Variants in MCM4 observed in about 807,000 individuals in gnomAD.
MCM4 encodes minichromosome maintenance complex component 4.
A neutral mutation model predicts 88.7 loss-of-function variants in MCM4; 60 were observed. The ratio of observed to expected loss-of-function variants is 0.68; its 90% CI spans 0.55 to 0.84. The LOEUF (loss-of-function observed/expected upper bound fraction) is 0.84, where lower values mean the gene tolerates loss of function less well. Among genes scored for constraint, MCM4 ranks in the 40% least tolerant of loss-of-function variants. The pLI is 0.00. For synonymous variants in MCM4, 465 were observed against 410.5 expected, an observed-to-expected ratio of 1.13 and a Z score of -1.61; for missense variants, 1,149 against 1,105.5, an observed-to-expected ratio of 1.04 and a Z score of -0.56.
At chr8:47,963,811 T>C (rs1449699570) in intron 7 of MCM4, among the ~76,000 whole-genome samples, 1 of 152,276 alleles carries the variant, frequency 6.6e-6, no homozygotes, top group Admixed American at 6.5e-5. Flanking sequence ...TTTTGAATCT[T>C]GGTTTTGCTG....
intron 13 of MCM4, among the ~76,000 whole-genome samples, chr8:47,972,612 A>G (rs765133997): frequency 6.6e-6 from 1 of 152,072 alleles, no homozygotes; most frequent in Non-Finnish European, 1.5e-5. Context: ...GCTGGAGTGC[A>G]GTGACGCGAA....
Position 47,962,789 on chromosome 8 carries a change from C to T in MCM4, c.527C>T (p.Pro176Leu), listed in dbSNP as rs761162193. 5 of 1,608,732 alleles carry T rather than the reference C, an allele frequency of 3.1e-6. No individual in the cohort carries two copies. The highest frequency in any genetic ancestry group is 4.2e-6 in the Non-Finnish European group (5 of 1,178,492). Residue 176 changes from proline to leucine, a missense_variant, in exon 6 of 17, where the codon CCT (proline) becomes CTT (leucine). Transcript: ENST00000649973. ...FQRFLQRFIDPLAKEEENVGI... is the reference protein window; with the variant it reads ...FQRFLQRFIDLLAKEEENVGI... ...AGATTTCTTCAGCGTTTTATTGACC[C>T]TCTGGCTAAAGAAGAAGAAAATGTT...
chr8:47,972,820 G>C (rs1203657595), intron 13 of MCM4, 37 bp from the exon 14 acceptor site: 1 of 1,580,448 alleles, frequency 6.3e-7, no homozygotes, highest in Non-Finnish European at 8.7e-7. Flanking sequence ...GCCTCACAAG[G>C]TGCTGGAAAA....
At chr8:47,963,216 G>A (rs146945315) in intron 7 of MCM4, among the ~76,000 whole-genome samples, 176 bp downstream of exon 7, 20 of 152,274 alleles carry the variant, frequency 1.3e-4, no homozygotes, top group African/African-American at 3.9e-4. Context: ...ACTTTAGGAC[G>A]CCGAGGCAAA....
chr8:47,970,712 T>A lies in MCM4; in HGVS notation c.1636T>A (p.Tyr546Asn). ...KGSSAVGLTAYVMKDPETRQL... is the reference protein window; with the variant it reads ...KGSSAVGLTANVMKDPETRQL... Reference sequence around the variant, plus strand: ...CTCCAGTGCAGTTGGCCTCACTGCGTACGTAATGAAAGACCCTGAGACAAG... The same window carrying A: ...CTCCAGTGCAGTTGGCCTCACTGCGAACGTAATGAAAGACCCTGAGACAAG... Residue 546 changes from tyrosine to asparagine, a missense_variant, in exon 12 of 17, where the codon TAC becomes AAC. Coordinates refer to ENST00000649973, the MANE Select transcript of MCM4 (RefSeq NM_182746.3). The A allele has an allele frequency of 6.2e-7, 1 of 1,614,184 alleles. No homozygotes were observed. The highest frequency in any genetic ancestry group is 1.3e-5 in the African/African-American group (1 of 75,038).
In MCM4 at chr8:47,974,738, A is replaced by C; in HGVS notation, c.2141A>C (p.Tyr714Ser). ...EEASQALIEA[Y>S]VDMRKIGSSR... ...TTGTTTTTCTACCTACAATAGGCTT[A>C]TGTAGACATGAGGAAGATTGGCAGT... Residue 714 changes from tyrosine (Y) to serine (S), a missense_variant, in exon 15 of 17, where the codon TAT (tyrosine) becomes TCT (serine). By Grantham distance (144) the Tyr-to-Ser change is moderately radical. Coordinates refer to ENST00000649973, the MANE Select transcript of MCM4 (RefSeq NM_182746.3). 1 of 1,613,592 alleles carries C rather than the reference A, an allele frequency of 6.2e-7. No homozygotes were observed. Among genetic ancestry groups the C allele is most frequent in the Admixed American group, 1.7e-5 (1 of 60,028 alleles).
In MCM4 at chr8:47,961,140, G is replaced by A. The variant is rs754340619; in HGVS notation, c.-5G>A. Reference sequence around the variant, plus strand: ...TGTCCTTGTCGCGCAGGTACTCCGAGCACTATGTCGTCCCCGGCGTCGACC... The same window carrying A: ...TGTCCTTGTCGCGCAGGTACTCCGAACACTATGTCGTCCCCGGCGTCGACC... On this transcript the variant is annotated 5_prime_UTR_variant, in exon 2 of 17. Coordinates refer to ENST00000649973, the MANE Select transcript of MCM4 (RefSeq NM_182746.3). The A allele has an allele frequency of 9.0e-6, 14 of 1,553,242 alleles. No homozygotes were observed. The highest frequency in any genetic ancestry group is 1.1e-5 in the Non-Finnish European group (13 of 1,159,658).
chr8:47,964,399 C>T (rs1350308513), intron 7 of MCM4, among the ~76,000 whole-genome samples, 175 bp from the exon 8 acceptor site: 1 of 152,118 alleles, frequency 6.6e-6, no homozygotes, highest in Non-Finnish European at 1.5e-5. Flanking sequence ...TGAAAATATG[C>T]AGAAATAGAT....
rs2090828249 is a variant in MCM4, at chr8:47,961,325, G to T, written c.70+111G>T. The T allele has an allele frequency of 1.4e-5, 20 of 1,450,066 alleles. No individual in the cohort carries two copies. The South Asian group carries it at 2.6e-4, about 19-fold the overall frequency. The allele number at this position is 1,450,066 out of a possible 1,614,324, so 89.8% of individuals were successfully genotyped here. ...GCGGGACCCGGGCGCTCAGCCTCGG[G>T]CTGGGCGCTGCCGCTTGGTGCGCAC... On this transcript the variant is annotated intron_variant, in intron 2 of 16. Coordinates refer to ENST00000649973, the MANE Select transcript of MCM4 (RefSeq NM_182746.3).
In MCM4 at chr8:47,962,100, C is replaced by G. The variant is rs911896888; in HGVS notation, c.283C>G (p.Pro95Ala). Residue 95 changes from proline to alanine, a missense_variant, in exon 4 of 17, where the codon CCC becomes GCC. Around this residue, in one of 3 missense-constraint regions of MCM4, gnomAD observed 906 missense variants for 843.0 expected, o/e 1.07. Coordinates refer to ENST00000649973, the MANE Select transcript of MCM4 (RefSeq NM_182746.3). ...TAGTTCACCACTGACATACGGCACT[C>G]CCAGCTCTCGGGTAGAGGGAACCCC... Reference protein sequence around the residue: ...DVSSPLTYGTPSSRVEGTPRS... With the variant: ...DVSSPLTYGTASSRVEGTPRS... 18 of 1,614,044 alleles carry G rather than the reference C, an allele frequency of 1.1e-5. No individual in the cohort carries two copies. Among genetic ancestry groups the G allele is most frequent in the Non-Finnish European group, 1.4e-5 (17 of 1,180,038 alleles).
chr8:47,970,811 A>T lies in MCM4; in HGVS notation c.1735A>T (p.Met579Leu), dbSNP rs776783201. 7.4e-6 allele frequency: 12 copies of T among 1,613,726 alleles called. No individual in the cohort carries two copies. Among genetic ancestry groups the T allele is most frequent in the Non-Finnish European group, 1.0e-5 (12 of 1,179,634 alleles). ...CTGCTGTATCGATGAGTTCGACAAG[A>T]TGAATGAAAGTACAAGATCGGTATT... ...GICCIDEFDK[M>L]NESTRSVLHE... Residue 579 changes from methionine to leucine, a missense_variant, in exon 12 of 17, where the codon ATG (methionine) becomes TTG (leucine). Coordinates refer to ENST00000649973, the MANE Select transcript of MCM4 (RefSeq NM_182746.3).
intron 3 of MCM4, 105 bp downstream of exon 3, chr8:47,961,785 C>A (rs897030170): frequency 1.5e-6 from 2 of 1,361,202 alleles, no homozygotes; most frequent in African/African-American, 2.9e-5. Context: ...CCTAAAGCAT[C>A]CCCTCTGCAC....
chr8:47,972,990 A>C lies in MCM4; in HGVS notation c.2062A>C (p.Lys688Gln). The C allele has an allele frequency of 6.2e-7, 1 of 1,614,158 alleles. No individual in the cohort carries two copies. Among genetic ancestry groups the C allele is most frequent in the Non-Finnish European group, 8.5e-7 (1 of 1,180,014 alleles). Residue 688 changes from lysine to glutamine, a missense_variant, in exon 14 of 17, where the codon AAG (lysine) becomes CAG (glutamine). By Grantham distance (53) the Lys-to-Gln change is moderately conservative (BLOSUM62 1). This residue lies in a region of MCM4 where 238 missense variants were observed against 241.6 expected (regional missense o/e 0.99). Coordinates refer to ENST00000649973, the MANE Select transcript of MCM4 (RefSeq NM_182746.3). ...GGAGCTCCTGGACATGGCGGTGCTAAAGGACTACATTGCCTACGCGCACAG... is the reference window on the plus strand; with the variant it reads ...GGAGCTCCTGGACATGGCGGTGCTACAGGACTACATTGCCTACGCGCACAG... The part of the protein sequence containing the change: ...EEELLDMAVL[K>Q]DYIAYAHSTI...
At chr8:47,963,608 T>C (rs772743373) in intron 7 of MCM4, among the ~76,000 whole-genome samples, 1 of 152,236 alleles carries the variant, frequency 6.6e-6, no homozygotes, top group Non-Finnish European at 1.5e-5. Flanking sequence ...ATCTTAAAAC[T>C]GATAGCTTCT....
chr8:47,974,500 G>C, intron 14 of MCM4: 1 of 483,906 alleles, frequency 2.1e-6, no homozygotes, highest in East Asian at 3.5e-5. Context: ...TTCTTCCCAA[G>C]CATCTCCCAG....
intron 8 of MCM4, 35 bp from the exon 9 acceptor site, chr8:47,966,152 G>C (rs1017502600): frequency 1.3e-6 from 2 of 1,544,680 alleles, no homozygotes; most frequent in African/African-American, 2.7e-5. Flanking sequence ...CCACACCTCA[G>C]GTCAGGTGTG....
intron 12 of MCM4, 93 bp from the exon 13 acceptor site, chr8:47,971,248 G>C: frequency 6.9e-7 from 1 of 1,454,880 alleles, no homozygotes. Flanking sequence ...TCAGTGGAGG[G>C]AATATGGGTT....
At chr8:47,967,299 A>G in intron 9 of MCM4, 66 bp from the exon 10 acceptor site, 1 of 1,594,428 alleles carries the variant, frequency 6.3e-7, no homozygotes, top group Non-Finnish European at 8.6e-7. Flanking sequence ...CAGTACAAAG[A>G]CATGCAGATT....
intron 15 of MCM4, chr8:47,975,390 T>C (rs948258120): frequency 6.3e-6 from 1 of 159,038 alleles, no homozygotes; most frequent in African/African-American, 2.6e-5. Flanking sequence ...CCGTGTGTTC[T>C]CATTGTTCAA....
Sources: allele counts gnomAD v4.1 joint callset (sites outside exome capture counted in the v4.1 genomes callset), GRCh38; gene constraint gnomAD v4.1.1; regional missense constraint gnomAD v4.1.1; transcripts MANE v1.5; gene names NCBI Gene and HGNC (gene_info 2026-07-23, HGNC 2026-07-21).